The following FBXO28 variants were observed in gnomAD, a reference collection of about 807,000 sequenced individuals.
FBXO28 encodes F-box only protein 28.
A neutral mutation model predicts 38.1 loss-of-function variants in FBXO28; 8 were observed. That is an observed-to-expected ratio of 0.21 (90% CI 0.12 to 0.38). The LOEUF is 0.38. FBXO28 is among the 10% of genes least tolerant of loss of function. FBXO28 has a pLI of 1.00. For missense variants in FBXO28, 345 were observed against 460.6 expected (o/e 0.75, Z 2.30); for synonymous variants, 168 against 173.8 (o/e 0.97, Z 0.26).
intron 1 of FBXO28, among the ~76,000 whole-genome samples, chr1:224,114,674 G>A (rs968139723): frequency 1.1e-4 from 17 of 152,192 alleles, no homozygotes; most frequent in Admixed American, 1.0e-3. Context: ...CTCTACGGGA[G>A]GGGTAGCGGA....
chr1:224,127,684 A>G (rs112780665), intron 1 of FBXO28, among the ~76,000 whole-genome samples: 3,054 of 152,246 alleles, frequency 0.02, 105 homozygotes, highest in African/African-American at 0.067. Context: ...AGACAGGCAA[A>G]TCACCTGAGG....
intron 1 of FBXO28, among the ~76,000 whole-genome samples, chr1:224,121,989 T>C (rs754566201): frequency 7.2e-5 from 11 of 152,116 alleles, no homozygotes; most frequent in Non-Finnish European, 1.6e-4. Context: ...TTGGCCAGGC[T>C]GGTCTTGAAC....
intron 2 of FBXO28, among the ~76,000 whole-genome samples, 194 bp from the exon 3 acceptor site, chr1:224,133,880 A>G (rs112029369): frequency 6.6e-5 from 10 of 151,990 alleles, no homozygotes; most frequent in Admixed American, 1.3e-4. Context: ...TATTTTGTCA[A>G]TGAGTACCAG....
At chr1:224,129,690 A>G (rs114693649) in intron 1 of FBXO28, among the ~76,000 whole-genome samples, 196 of 152,298 alleles carry the variant, frequency 1.3e-3, no homozygotes, top group African/African-American at 4.4e-3. Context: ...GAGATATTTC[A>G]GAAATTACAT....
intron 1 of FBXO28, among the ~76,000 whole-genome samples, chr1:224,122,097 A>C (rs545772161): frequency 7.2e-5 from 11 of 152,310 alleles, no homozygotes; most frequent in African/African-American, 1.9e-4. Context: ...TTTAAAGATT[A>C]AAGTATTCTT....
At chr1:224,127,507 T>C (rs1280610586) in intron 1 of FBXO28, among the ~76,000 whole-genome samples, 1 of 152,208 alleles carries the variant, frequency 6.6e-6, no homozygotes, top group Non-Finnish European at 1.5e-5. Context: ...TTAAAAGCAG[T>C]TACATATATT....
intron 2 of FBXO28, among the ~76,000 whole-genome samples, chr1:224,132,751 G>C (rs1170089084): frequency 6.6e-6 from 1 of 151,050 alleles, no homozygotes; most frequent in Non-Finnish European, 1.5e-5. Context: ...GTTGCAGTGA[G>C]CCAAGATCGT....
At chr1:224,134,279 T>C (rs1657124377) in intron 3 of FBXO28, 67 bp downstream of exon 3, 1 of 1,515,498 alleles carries the variant, frequency 6.6e-7, no homozygotes, top group Non-Finnish European at 9.0e-7. Flanking sequence ...CAGTTATGAA[T>C]TTCTGATTTT....
intron 2 of FBXO28, among the ~76,000 whole-genome samples, chr1:224,131,469 A>G (rs1421443508): frequency 2.0e-5 from 3 of 152,242 alleles, no homozygotes; most frequent in Admixed American, 2.0e-4. Flanking sequence ...TGGCATAAGG[A>G]TAGACCTGTA....
intron 3 of FBXO28, among the ~76,000 whole-genome samples, chr1:224,145,368 A>G (rs1657476150): frequency 6.6e-6 from 1 of 151,582 alleles, no homozygotes; most frequent in South Asian, 2.1e-4. Flanking sequence ...GACCAGAACT[A>G]TGCCTTAGGA....
chr1:224,138,099 G>C (rs1469667767), intron 3 of FBXO28, among the ~76,000 whole-genome samples: 1 of 151,524 alleles, frequency 6.6e-6, no homozygotes, highest in African/African-American at 2.4e-5. Flanking sequence ...GTGGTGGCAG[G>C]CACCTATAGT....
chr1:224,144,484 G>A (rs914760561), intron 3 of FBXO28, among the ~76,000 whole-genome samples: 3 of 151,606 alleles, frequency 2.0e-5, no homozygotes, highest in Admixed American at 1.3e-4. Context: ...AAAAGGCTAG[G>A]TGCAGTGACT....
At chr1:224,129,636 G>A (rs189944906) in intron 1 of FBXO28, among the ~76,000 whole-genome samples, 2 of 152,282 alleles carry the variant, frequency 1.3e-5, no homozygotes, top group East Asian at 1.9e-4. Flanking sequence ...AACACCTAAA[G>A]TAAATGATAC....
At chr1:224,131,287 GTCTT>G (rs1657036357) in intron 2 of FBXO28, among the ~76,000 whole-genome samples, 1 of 150,232 alleles carries the variant, frequency 6.7e-6, no homozygotes, top group Non-Finnish European at 1.5e-5. Flanking sequence ...AAATTCAGCT[GTCTT>G]TTTTTTTTTC....
rs1404210668 is a variant in FBXO28 at position 224,157,292 on chromosome 1, A to G, written c.713-60A>G. The G allele has an allele frequency of 5.3e-6, 8 of 1,511,756 alleles. No individual in the cohort carries two copies. In the African/African-American group the frequency reaches 9.8e-5, roughly 18 times the overall value. 93.6% of individuals were successfully genotyped at this position (1,511,756 alleles called of 1,614,324 possible). The stretch of plus-strand genomic sequence containing the variant: ...GGGTATTCCATTTTTAAATAAGTGT[A>G]AGTATTACTGGTAGAGAGACATTTT... On this transcript the variant is annotated intron_variant, in intron 4 of 4. Coordinates refer to ENST00000366862, the MANE Select transcript of FBXO28 (RefSeq NM_015176.4).
chr1:224,123,616 A>G (rs772439494), intron 1 of FBXO28, among the ~76,000 whole-genome samples: 1 of 151,974 alleles, frequency 6.6e-6, no homozygotes, highest in African/African-American at 2.4e-5. Flanking sequence ...AGTTGGTAGC[A>G]TGTCTCAAAG....
At chr1:224,132,268 G>A (rs1657066677) in intron 2 of FBXO28, among the ~76,000 whole-genome samples, 1 of 151,874 alleles carries the variant, frequency 6.6e-6, no homozygotes, top group African/African-American at 2.4e-5. Context: ...AAAGGACAAA[G>A]GATTTGAATA....
chr1:224,153,332 C>T lies in FBXO28; in HGVS notation c.707C>T (p.Pro236Leu). ...SDVSGRLMGSPPVPGPSAALT... is the reference protein window; with the variant it reads ...SDVSGRLMGSLPVPGPSAALT... ...GTTTCTGGAAGACTCATGGGCTCTC[C>T]TCCAGGTATCTCTACTTTATAATCA... Residue 236 changes from proline to leucine, a missense_variant, in exon 4 of 5, where the codon CCT (proline) becomes CTT (leucine). Around this residue, in one of 6 missense-constraint regions of FBXO28, gnomAD observed 151 missense variants for 188.3 expected, o/e 0.80. Coordinates refer to ENST00000366862, the MANE Select transcript of FBXO28 (RefSeq NM_015176.4). 6.4e-7 allele frequency: 1 copy of T among 1,574,036 alleles called. No individual in the cohort carries two copies. Among genetic ancestry groups the T allele is most frequent in the East Asian group, 2.3e-5 (1 of 44,120 alleles).
chr1:224,141,257 G>A (rs555397677), intron 3 of FBXO28, among the ~76,000 whole-genome samples: 111 of 152,142 alleles, frequency 7.3e-4, no homozygotes, highest in African/African-American at 2.6e-3. Flanking sequence ...CGGATCACGA[G>A]GTCAGGAGAT....
Sources: allele counts gnomAD v4.1 joint callset (sites outside exome capture counted in the v4.1 genomes callset), GRCh38; gene constraint gnomAD v4.1.1; regional missense constraint gnomAD v4.1.1; transcripts MANE v1.5; gene names NCBI Gene and HGNC (gene_info 2026-07-23, HGNC 2026-07-21).